Variants in TIGD4 observed in about 807,000 individuals in gnomAD.
TIGD4 encodes tigger transposable element-derived protein 4.
A neutral mutation model predicts 24.9 loss-of-function variants in TIGD4; 20 were observed. The observed-to-expected ratio is 0.80, with a 90% CI of 0.56 to 1.17. The LOEUF is 1.17. Among genes scored for constraint, TIGD4 ranks in the 50% most tolerant of loss-of-function variants. The pLI is 0.00. For missense variants in TIGD4, 566 were observed against 591.0 expected, an observed-to-expected ratio of 0.96 and a Z score of 0.44; for synonymous variants, 193 against 211.0, an observed-to-expected ratio of 0.91 and a Z score of 0.74.
rs1366952480 is a variant in TIGD4, at chr4:152,770,430, A to G, written c.575T>C (p.Leu192Ser). The G allele has an allele frequency of 6.2e-7, 1 of 1,613,758 alleles. No homozygotes were observed. Among genetic ancestry groups the G allele is most frequent in the Non-Finnish European group, 8.5e-7 (1 of 1,179,924 alleles). Residue 192 changes from leucine to serine, a missense_variant, in exon 2 of 2, where the codon TTA becomes TCA. Physicochemically the swap from Leu to Ser is moderately radical, Grantham distance 145. Transcript: ENST00000304337. ...TTTAAATGCAAATGTATTGGTAGGTAACATTCGATAAAGCAGCCCAGTCTC... is the reference window on the plus strand; with the variant it reads ...TTTAAATGCAAATGTATTGGTAGGTGACATTCGATAAAGCAGCCCAGTCTC... ...IKETGLLYRM[L>S]PTNTFAFKGE...
chr4:152,770,344 T>C lies in TIGD4; in HGVS notation c.661A>G (p.Asn221Asp). Residue 221 changes from asparagine to aspartate, a missense_variant, in exon 2 of 2, where the codon AAC becomes GAC. Coordinates refer to ENST00000304337, the MANE Select transcript of TIGD4 (RefSeq NM_145720.4). ...GGAAGTTTCTCTGAGCCATCCATGT[T>C]TGTGCCAACCACCAGAGTTATTCTG... The part of the protein sequence containing the change: ...KDRITLVVGT[N>D]MDGSEKLPLL... 1 of 1,614,160 alleles carries C rather than the reference T, an allele frequency of 6.2e-7. No individual in the cohort carries two copies. Among genetic ancestry groups the C allele is most frequent in the Admixed American group, 1.7e-5 (1 of 60,030 alleles).
At chr4:152,775,473 T>C (rs1309391503) in intron 1 of TIGD4, among the ~76,000 whole-genome samples, 1 of 152,204 alleles carries the variant, frequency 6.6e-6, no homozygotes, top group Non-Finnish European at 1.5e-5. Flanking sequence ...GGGAAGAATT[T>C]GCTTCCAGGC....
intron 1 of TIGD4, among the ~76,000 whole-genome samples, chr4:152,772,045 TA>T (rs571737000): frequency 4.6e-5 from 7 of 152,248 alleles, no homozygotes; most frequent in African/African-American, 1.7e-4. Flanking sequence ...CAATTCTATT[TA>T]AAAAAAATCT....
chr4:152,770,427 G>A lies in TIGD4; in HGVS notation c.578C>T (p.Pro193Leu). ...GCCTTTAAATGCAAATGTATTGGTA[G>A]GTAACATTCGATAAAGCAGCCCAGT... ...KETGLLYRMLPTNTFAFKGET... is the reference protein window; with the variant it reads ...KETGLLYRMLLTNTFAFKGET... Residue 193 changes from proline (P) to leucine (L), a missense_variant, in exon 2 of 2, where the codon CCT becomes CTT. Physicochemically the swap from Pro to Leu is moderately conservative, Grantham distance 98. Coordinates refer to ENST00000304337, the MANE Select transcript of TIGD4 (RefSeq NM_145720.4). The A allele has an allele frequency of 6.2e-7, 1 of 1,613,766 alleles. No individual in the cohort carries two copies. Among genetic ancestry groups the A allele is most frequent in the Non-Finnish European group, 8.5e-7 (1 of 1,179,884 alleles).
chr4:152,772,852 C>A (rs1730200152), intron 1 of TIGD4, among the ~76,000 whole-genome samples: 2 of 152,140 alleles, frequency 1.3e-5, no homozygotes, highest in African/African-American at 4.8e-5. Context: ...GCTGGGACTA[C>A]AGGCACACGC....
intron 1 of TIGD4, among the ~76,000 whole-genome samples, chr4:152,776,025 A>T (rs2149806977): frequency 6.6e-6 from 1 of 152,356 alleles, no homozygotes; most frequent in East Asian, 1.9e-4. Context: ...AAATATCTAC[A>T]TGCTGAAATA....
intron 1 of TIGD4, among the ~76,000 whole-genome samples, chr4:152,772,880 T>A (rs370167941): frequency 1.1e-4 from 16 of 152,048 alleles, no homozygotes; most frequent in African/African-American, 3.9e-4. Flanking sequence ...TCCAGCTAAT[T>A]TTTGTATTTT....
At chr4:152,774,968 T>A (rs530541455) in intron 1 of TIGD4, among the ~76,000 whole-genome samples, 1 of 151,402 alleles carries the variant, frequency 6.6e-6, no homozygotes, top group Non-Finnish European at 1.5e-5. Flanking sequence ...CAGGCTAGAG[T>A]GCAGTGGTGC....
intron 1 of TIGD4, among the ~76,000 whole-genome samples, chr4:152,773,700 T>C (rs2149806445): frequency 6.8e-6 from 1 of 146,146 alleles, no homozygotes. Flanking sequence ...AATAGGCCAT[T>C]ATGAATTCTG....
chr4:152,773,727 CTCTA>C (rs994623010), intron 1 of TIGD4, among the ~76,000 whole-genome samples: 1 of 148,070 alleles, frequency 6.8e-6, no homozygotes, highest in Non-Finnish European at 1.5e-5. Flanking sequence ...CAAATAGCAA[CTCTA>C]TCTGTCAGCG....
intron 1 of TIGD4, among the ~76,000 whole-genome samples, chr4:152,778,678 T>C (rs886456266): frequency 2.0e-5 from 3 of 152,182 alleles, no homozygotes; most frequent in Non-Finnish European, 4.4e-5. Flanking sequence ...TTGTTATACA[T>C]TGGAAACATT....
Position 152,770,809 on chromosome 4 carries a change from C to T in TIGD4, c.196G>A (p.Ala66Thr), listed in dbSNP as rs765673028. 3.1e-5 allele frequency: 50 copies of T among 1,612,246 alleles called. 1 individual carries two copies. Among genetic ancestry groups the T allele is most frequent in the South Asian group, 5.5e-5 (5 of 90,574 alleles). ...GGATCAAATCTTAGAGATTCAAAGG[C>T]TTCTAGAACTTTGTCTTTATTCTTC... ...IMKNKDKVLEAFESLRFDPKR... is the reference protein window; with the variant it reads ...IMKNKDKVLETFESLRFDPKR... Residue 66 changes from alanine (A) to threonine (T), a missense_variant, in exon 2 of 2, where the codon GCC becomes ACC. Coordinates refer to ENST00000304337, the MANE Select transcript of TIGD4 (RefSeq NM_145720.4).
At chr4:152,776,945 T>C (rs899572370) in intron 1 of TIGD4, among the ~76,000 whole-genome samples, 1 of 152,134 alleles carries the variant, frequency 6.6e-6, no homozygotes, top group Admixed American at 6.5e-5. Context: ...TGAACTCAAC[T>C]GTAAAGGATG....
rs113177712 is a variant in TIGD4 at position 152,771,031 on chromosome 4, C to G, written c.-27G>C. The G allele has an allele frequency of 6.4e-7, 1 of 1,552,076 alleles. No homozygotes were observed. Among genetic ancestry groups the G allele is most frequent in the Non-Finnish European group, 8.6e-7 (1 of 1,156,664 alleles). ...TCAGCCAGTGCTTATGTAGAGATTA[C>G]TCTTCTTAACTTCCTGGTGACTGTT... On this transcript the variant is annotated 5_prime_UTR_variant, in exon 2 of 2. Transcript: ENST00000304337.
Position 152,770,260 on chromosome 4 carries a change from G to A in TIGD4, c.745C>T (p.Pro249Ser), listed in dbSNP as rs747484487. The A allele has an allele frequency of 1.9e-6, 3 of 1,613,930 alleles. No individual in the cohort carries two copies. Among genetic ancestry groups the A allele is most frequent in the Non-Finnish European group, 8.5e-7 (1 of 1,179,922 alleles). Reference protein sequence around the residue: ...PHCFKGLKSLPVCYEANRMAW... With the variant: ...PHCFKGLKSLSVCYEANRMAW... ...ATTCTGTTAGCTTCATAACACACAG[G>A]CAATGATTTTAAACCTTTGAAACAA... Residue 249 changes from proline to serine, a missense_variant, in exon 2 of 2, where the codon CCT becomes TCT. By Grantham distance (74) the Pro-to-Ser change is moderately conservative. Coordinates refer to ENST00000304337, the MANE Select transcript of TIGD4 (RefSeq NM_145720.4).
At chr4:152,778,675 A>G (rs1174752670) in intron 1 of TIGD4, among the ~76,000 whole-genome samples, 1 of 152,222 alleles carries the variant, frequency 6.6e-6, no homozygotes, top group Non-Finnish European at 1.5e-5. Context: ...ATATTGTTAT[A>G]CATTGGAAAC....
chr4:152,770,963 T>G lies in TIGD4; in HGVS notation c.42A>C (p.Thr14=). 1 of 1,612,012 alleles carries G rather than the reference T, an allele frequency of 6.2e-7. No individual in the cohort carries two copies. The highest frequency in any genetic ancestry group is 8.5e-7 in the Non-Finnish European group (1 of 1,179,538). Residue 14 remains threonine, a synonymous_variant, in exon 2 of 2, where the codon ACA becomes ACC. Coordinates refer to ENST00000304337, the MANE Select transcript of TIGD4 (RefSeq NM_145720.4). ...ASVDASTLPV[T]VKKKKSLSIE... ...TGGATAGGCTTTTCTTTTTCTTCAC[T>G]GTTACAGGCAGAGTTGAGGCATCCA...
At chr4:152,773,391 G>A (rs1372073606) in intron 1 of TIGD4, among the ~76,000 whole-genome samples, 2 of 152,110 alleles carry the variant, frequency 1.3e-5, no homozygotes, top group Non-Finnish European at 2.9e-5. Flanking sequence ...TGATAGCCCA[G>A]GGTTTTAGTT....
Position 152,769,948 on chromosome 4 carries a change from G to C in TIGD4, c.1057C>G (p.Leu353Val), listed in dbSNP as rs147390697. ...AGATGCAATGTATCAACTGCATCTA[G>C]TAGTGAAAATGTAAATTCTTTGCTA... The part of the protein sequence containing the change: ...EGSKEFTFSL[L>V]DAVDTLHLCW... The change falls in exon 2 of 2, where the codon CTA becomes GTA. Residue 353 changes from leucine (L) to valine (V), a missense_variant. Transcript: ENST00000304337. 2 of 1,613,086 alleles carry C rather than the reference G, an allele frequency of 1.2e-6. No homozygotes were observed. Among genetic ancestry groups the C allele is most frequent in the African/African-American group, 1.3e-5 (1 of 74,924 alleles).
Sources: allele counts gnomAD v4.1 joint callset (sites outside exome capture counted in the v4.1 genomes callset), GRCh38; gene constraint gnomAD v4.1.1; transcripts MANE v1.5; gene names NCBI Gene and HGNC (gene_info 2026-07-23, HGNC 2026-07-21).